Variants in TRIM37 observed in about 807,000 individuals in gnomAD.
TRIM37 encodes tripartite motif containing 37, also known as E3 ubiquitin-protein ligase TRIM37.
In TRIM37, 80 loss-of-function variants were observed where a neutral mutation model predicts 129.8. The ratio of observed to expected loss-of-function variants is 0.62; its 90% CI spans 0.51 to 0.74. The LOEUF (loss-of-function observed/expected upper bound fraction) is 0.74, where lower values mean the gene tolerates loss of function less well. Ranked by LOEUF, TRIM37 falls within the 30% of genes least tolerant of loss-of-function variation. TRIM37 has a pLI of 0.00. For missense variants in TRIM37, 1,054 were observed against 1,176.5 expected (o/e 0.90, Z 1.52); for synonymous variants, 389 against 387.1 (o/e 1.00, Z -0.06).
downstream of TRIM37, chr17:58,981,295 C>A: frequency 2.6e-6 from 1 of 378,738 alleles, no homozygotes; most frequent in Non-Finnish European, 4.7e-6. Context: ...TCCCACCATC[C>A]TTCATGTCAC....
At chr17:59,071,756 G>A (rs993743093) in intron 8 of TRIM37, among the ~76,000 whole-genome samples, 2 of 152,066 alleles carry the variant, frequency 1.3e-5, no homozygotes, top group East Asian at 1.9e-4. Flanking sequence ...CATAACCATG[G>A]TAGATAAAAG....
At chr17:59,042,248 C>A (rs1368744258) in intron 16 of TRIM37, among the ~76,000 whole-genome samples, 2 of 149,974 alleles carry the variant, frequency 1.3e-5, no homozygotes, top group African/African-American at 4.9e-5. Flanking sequence ...TGGTGGCAGG[C>A]ACCTGTAGTC....
In TRIM37 at chr17:59,057,030, A is replaced by G; in HGVS notation, c.1044T>C (p.Val348=). 2 of 1,613,802 alleles carry G rather than the reference A, an allele frequency of 1.2e-6. No individual in the cohort carries two copies. Among genetic ancestry groups the G allele is most frequent in the Non-Finnish European group, 1.7e-6 (2 of 1,179,856 alleles). Residue 348 remains valine, a synonymous_variant, in exon 13 of 24, where the codon GTT becomes GTC. Transcript: ENST00000262294. ...TTGTAGGATCATTACAGGACTGGTGAACCATCTCTACACGATATTCATATC... is the reference window on the plus strand; with the variant it reads ...TTGTAGGATCATTACAGGACTGGTGGACCATCTCTACACGATATTCATATC... The part of the protein sequence containing the change: ...TSKYEYRVEM[V]HQSCNDPTKN...
chr17:58,981,896 A>G (rs16943335), downstream of TRIM37: 6,108 of 152,746 alleles, frequency 0.04, 238 homozygotes, highest in African/African-American at 0.099. Flanking sequence ...AATACACTAT[A>G]GAGTCAAAAT....
chr17:59,057,275 G>C (rs949683673), intron 12 of TRIM37, among the ~76,000 whole-genome samples: 1 of 152,122 alleles, frequency 6.6e-6, no homozygotes, highest in Non-Finnish European at 1.5e-5. Context: ...GAGTGCAATG[G>C]TGCAATTTCA....
At chr17:58,975,594 A>G in the TRIM37 span, among the ~76,000 whole-genome samples, 7 of 152,342 alleles carry the variant, frequency 4.6e-5, no homozygotes, top group East Asian at 1.3e-3. Context: ...AGGTAGAGGG[A>G]AATATAAATA....
chr17:58,978,579 C>T (rs187134093), downstream of TRIM37, among the ~76,000 whole-genome samples: 578 of 152,136 alleles, frequency 3.8e-3, 2 homozygotes, highest in Non-Finnish European at 5.1e-3. Flanking sequence ...GGTGTGGTGG[C>T]GTACGCCTGT....
chr17:59,068,545 T>G (rs1243965011), intron 9 of TRIM37, among the ~76,000 whole-genome samples: 1 of 152,222 alleles, frequency 6.6e-6, no homozygotes, highest in Non-Finnish European at 1.5e-5. Context: ...ACAGTATCAA[T>G]GAAGCAGCCT....
downstream of TRIM37, among the ~76,000 whole-genome samples, chr17:58,995,539 TATCC>T (rs529842291): frequency 1.5e-4 from 23 of 152,084 alleles, no homozygotes; most frequent in East Asian, 4.4e-3. Context: ...CAAAAATAAA[TATCC>T]ATCATATATA....
chr17:59,049,520 T>A, intron 14 of TRIM37, 127 bp from the exon 15 acceptor site: 1 of 879,140 alleles, frequency 1.1e-6, no homozygotes, highest in Non-Finnish European at 1.8e-6. Context: ...TTGAGAATGG[T>A]CTCACTCTGT....
At chr17:59,020,154 C>A (rs1398790475) in intron 19 of TRIM37, among the ~76,000 whole-genome samples, 1 of 138,300 alleles carries the variant, frequency 7.2e-6, no homozygotes, top group Non-Finnish European at 1.5e-5. Flanking sequence ...GTGCTTGAGC[C>A]CAAGAGACGG....
At chr17:58,969,185 C>T in the TRIM37 span, among the ~76,000 whole-genome samples, 6 of 152,270 alleles carry the variant, frequency 3.9e-5, no homozygotes, top group Middle Eastern at 3.4e-3. Context: ...TCAATTCCTT[C>T]TCATACCCTC....
At chr17:59,076,948 C>G (rs953727927) in intron 7 of TRIM37, among the ~76,000 whole-genome samples, 2 of 151,974 alleles carry the variant, frequency 1.3e-5, no homozygotes, top group African/African-American at 4.8e-5. Flanking sequence ...GCCACCATGC[C>G]CGGTTAATTT....
chr17:59,034,931 C>A (rs1371056633), intron 17 of TRIM37, among the ~76,000 whole-genome samples: 2 of 152,088 alleles, frequency 1.3e-5, no homozygotes, highest in East Asian at 3.9e-4. Flanking sequence ...ATGGGTTTTG[C>A]CTGTTTTGTA....
chr17:59,104,974 C>A (rs773483220), intron 1 of TRIM37, among the ~76,000 whole-genome samples: 18 of 151,768 alleles, frequency 1.2e-4, no homozygotes, highest in Non-Finnish European at 2.1e-4. Flanking sequence ...CACCTGTAAT[C>A]CCAGCTACAC....
intron 7 of TRIM37, among the ~76,000 whole-genome samples, chr17:59,077,550 G>A (rs982158332): frequency 1.3e-5 from 2 of 152,012 alleles, no homozygotes; most frequent in African/African-American, 2.4e-5. Context: ...GGTGGCTCAC[G>A]TCTGTAATCC....
rs181934236 is a variant in TRIM37, at chr17:59,024,725, T to A, written c.2257+3690A>T. ...AAATTTATTTTTGTAGAGATTAAGG[T>A]CTTGCCATATGATGTTGAACTCCTG... On this transcript the variant is annotated intron_variant, in intron 19 of 23. Coordinates refer to ENST00000262294, the MANE Select transcript of TRIM37 (RefSeq NM_015294.6). Among the ~76,000 whole-genome samples, 6 of 152,326 alleles carry A rather than the reference T, an allele frequency of 3.9e-5. No homozygotes were observed. In the East Asian group the frequency reaches 9.6e-4, roughly 24 times the overall value.
intron 17 of TRIM37, among the ~76,000 whole-genome samples, chr17:59,041,082 A>G (rs180874140): frequency 2.4e-4 from 37 of 152,350 alleles, no homozygotes; most frequent in African/African-American, 8.2e-4. Flanking sequence ...GCCAGTGTTC[A>G]TACTGAGGAG....
intron 2 of TRIM37, among the ~76,000 whole-genome samples, chr17:59,093,023 G>A (rs1372336656): frequency 6.6e-6 from 1 of 152,084 alleles, no homozygotes; most frequent in Non-Finnish European, 1.5e-5. Context: ...GGTGGCATGA[G>A]CATGTAGTCC....
Sources: allele counts gnomAD v4.1 joint callset (sites outside exome capture counted in the v4.1 genomes callset), GRCh38; gene constraint gnomAD v4.1.1; transcripts MANE v1.5; gene names NCBI Gene and HGNC (gene_info 2026-07-23, HGNC 2026-07-21).